The following SLC24A2 variants were observed in gnomAD, a reference collection of about 807,000 sequenced individuals.
SLC24A2 encodes sodium/potassium/calcium exchanger 2.
A neutral mutation model predicts 62.0 loss-of-function variants in SLC24A2; 36 were observed. The observed-to-expected ratio is 0.58, with a 90% CI of 0.44 to 0.77. The LOEUF (loss-of-function observed/expected upper bound fraction) is 0.77. SLC24A2 is among the 30% of genes least tolerant of loss of function. SLC24A2 has a pLI of 0.00. For missense variants in SLC24A2, 846 were observed against 817.9 expected, an observed-to-expected ratio of 1.03 and a Z score of -0.42; for synonymous variants, 358 against 294.0, an observed-to-expected ratio of 1.22 and a Z score of -2.23.
chr9:19,837,298 A>G, the SLC24A2 span, among the ~76,000 whole-genome samples: 1 of 150,460 alleles, frequency 6.6e-6, no homozygotes, highest in African/African-American at 2.4e-5. Flanking sequence ...TAAAAATACA[A>G]AAAATTAGCC....
At chr9:19,650,983 G>C (rs1019666122) in intron 2 of SLC24A2, among the ~76,000 whole-genome samples, 4 of 152,224 alleles carry the variant, frequency 2.6e-5, no homozygotes, top group Admixed American at 1.3e-4. Flanking sequence ...TGGTCAACTT[G>C]TATTGATAAG....
the SLC24A2 span, among the ~76,000 whole-genome samples, chr9:19,900,892 G>A: frequency 1.3e-5 from 2 of 152,268 alleles, no homozygotes; most frequent in South Asian, 2.1e-4. Flanking sequence ...AACACATAAG[G>A]CTCGTGGAAG....
intron 2 of SLC24A2, among the ~76,000 whole-genome samples, chr9:19,765,183 T>C (rs1168424978): frequency 1.3e-5 from 2 of 152,192 alleles, no homozygotes; most frequent in African/African-American, 2.4e-5. Context: ...TTTGAGCCTA[T>C]GTATGTATTT....
At chr9:19,612,846 T>C (rs1191605606) in intron 4 of SLC24A2, among the ~76,000 whole-genome samples, 1 of 152,174 alleles carries the variant, frequency 6.6e-6, no homozygotes, top group Admixed American at 6.5e-5. Flanking sequence ...ACCCTGTTTC[T>C]AAAAACAAAC....
At chr9:20,087,549 C>T in the SLC24A2 span, among the ~76,000 whole-genome samples, 2 of 152,268 alleles carry the variant, frequency 1.3e-5, no homozygotes, top group East Asian at 3.9e-4. Flanking sequence ...ATAATATTTC[C>T]TCTCTCTACC....
At chr9:19,852,527 T>A in the SLC24A2 span, among the ~76,000 whole-genome samples, 1 of 152,182 alleles carries the variant, frequency 6.6e-6, no homozygotes, top group Admixed American at 6.5e-5. Context: ...CACTTTCAAT[T>A]TTCTGCATAC....
chr9:20,274,549 T>G, the SLC24A2 span, among the ~76,000 whole-genome samples: 1 of 151,986 alleles, frequency 6.6e-6, no homozygotes, highest in Non-Finnish European at 1.5e-5. Flanking sequence ...CTCTACCAAC[T>G]GCGATACTAC....
the SLC24A2 span, among the ~76,000 whole-genome samples, chr9:19,995,079 C>CTTTT: frequency 2.1e-5 from 3 of 145,434 alleles, no homozygotes; most frequent in Non-Finnish European, 1.5e-5. Context: ...TATCTCAGGC[C>CTTTT]TTTTTTTTTT....
At chr9:20,174,106 A>C in the SLC24A2 span, among the ~76,000 whole-genome samples, 1 of 152,068 alleles carries the variant, frequency 6.6e-6, no homozygotes, top group Non-Finnish European at 1.5e-5. Context: ...AGGAAAGGAC[A>C]TCCTATTCAA....
At chr9:19,762,930 A>C (rs1189730527) in intron 2 of SLC24A2, among the ~76,000 whole-genome samples, 1 of 151,778 alleles carries the variant, frequency 6.6e-6, no homozygotes. Flanking sequence ...TTTTCATGAT[A>C]TCGATTCTTC....
At chr9:19,964,819 G>C in the SLC24A2 span, among the ~76,000 whole-genome samples, 3 of 152,208 alleles carry the variant, frequency 2.0e-5, no homozygotes, top group Admixed American at 1.3e-4. Context: ...TCTGTAGCAT[G>C]TCTGACTTCC....
the SLC24A2 span, among the ~76,000 whole-genome samples, chr9:19,807,349 G>T: frequency 6.6e-6 from 1 of 152,220 alleles, no homozygotes; most frequent in African/African-American, 2.4e-5. Context: ...AGCCTTTTCT[G>T]TTAGTACAGG....
chr9:19,565,887 G>A (rs1336716805), intron 7 of SLC24A2, among the ~76,000 whole-genome samples: 3 of 151,066 alleles, frequency 2.0e-5, no homozygotes, highest in East Asian at 1.9e-4. Context: ...TTTAATAAAT[G>A]GTACTGGGAA....
intron 7 of SLC24A2, among the ~76,000 whole-genome samples, chr9:19,568,186 G>A (rs1196297034): frequency 2.6e-5 from 4 of 152,188 alleles, no homozygotes; most frequent in African/African-American, 9.7e-5. Context: ...ATGAAACTGT[G>A]CTTCAGGTGG....
At chr9:19,627,444 G>A (rs978052583) in intron 2 of SLC24A2, among the ~76,000 whole-genome samples, 3 of 152,114 alleles carry the variant, frequency 2.0e-5, no homozygotes, top group Non-Finnish European at 4.4e-5. Flanking sequence ...TAAGGCAAGG[G>A]GGCCAGGGTG....
At chr9:19,825,564 A>ATAACTAGTTTATGATTTAGGC in the SLC24A2 span, among the ~76,000 whole-genome samples, 1 of 152,152 alleles carries the variant, frequency 6.6e-6, no homozygotes, top group Non-Finnish European at 1.5e-5. Context: ...TAGACACCTG[A>ATAACTAGTTTATGATTTAGGC]TAACTAGTTT....
chr9:19,959,716 C>T, the SLC24A2 span, among the ~76,000 whole-genome samples: 2 of 152,156 alleles, frequency 1.3e-5, no homozygotes, highest in Admixed American at 6.5e-5. Flanking sequence ...AAACACAAGA[C>T]TCTTATTTAA....
At chr9:20,094,104 C>T in the SLC24A2 span, among the ~76,000 whole-genome samples, 1 of 152,126 alleles carries the variant, frequency 6.6e-6, no homozygotes. Flanking sequence ...TAGTCCGAAG[C>T]AATGATGCCT....
the SLC24A2 span, among the ~76,000 whole-genome samples, chr9:20,265,996 G>A: frequency 6.6e-6 from 1 of 152,064 alleles, no homozygotes; most frequent in Non-Finnish European, 1.5e-5. Flanking sequence ...ATAAATTTTT[G>A]GTCAGACCAG....
Sources: allele counts gnomAD v4.1 joint callset (sites outside exome capture counted in the v4.1 genomes callset), GRCh38; gene constraint gnomAD v4.1.1; transcripts MANE v1.5; gene names NCBI Gene and HGNC (gene_info 2026-07-23, HGNC 2026-07-21).